Variants in XXYLT1 observed in about 807,000 individuals in gnomAD.
The protein encoded by XXYLT1 is UDP-xylose:alpha-xyloside alpha-1,3-xylosyltransferase.
A neutral mutation model predicts 28.9 loss-of-function variants in XXYLT1; 20 were observed. The observed-to-expected ratio is 0.69, with a 90% confidence interval of 0.49 to 1.00. The LOEUF is 1.00. Among genes scored for constraint, XXYLT1 ranks in the 50% least tolerant of loss-of-function variants. The probability of loss-of-function intolerance (pLI) is 0.00; values close to 1 mark genes in which losing one functional copy is unlikely to be tolerated. For synonymous variants in XXYLT1, 257 were observed against 253.8 expected, an observed-to-expected ratio of 1.01 and a Z score of -0.12; for missense variants, 542 against 560.1, an observed-to-expected ratio of 0.97 and a Z score of 0.33.
At chr3:195,230,729 A>C (rs1724265470) in intron 1 of XXYLT1, among the ~76,000 whole-genome samples, 1 of 152,064 alleles carries the variant, frequency 6.6e-6, no homozygotes, top group Non-Finnish European at 1.5e-5. Context: ...ATTCTGTTGC[A>C]TTGGTCTACG....
intron 2 of XXYLT1, among the ~76,000 whole-genome samples, chr3:195,212,373 T>C (rs1031631085): frequency 6.6e-6 from 1 of 152,148 alleles, no homozygotes; most frequent in Non-Finnish European, 1.5e-5. Context: ...GTAACGGAGT[T>C]AAATTCTGGT....
intron 3 of XXYLT1, among the ~76,000 whole-genome samples, chr3:195,087,712 A>C (rs752578317): frequency 1.3e-5 from 2 of 152,246 alleles, no homozygotes; most frequent in African/African-American, 4.8e-5. Flanking sequence ...GCTCTGGTGT[A>C]CAGCTCCCAG....
intron 3 of XXYLT1, among the ~76,000 whole-genome samples, chr3:195,075,201 G>A (rs1715046521): frequency 6.6e-6 from 1 of 152,212 alleles, no homozygotes; most frequent in Non-Finnish European, 1.5e-5. Flanking sequence ...GCAGTGAGTT[G>A]AGATTGCACC....
At chr3:195,083,149 T>C (rs761064993) in intron 3 of XXYLT1, among the ~76,000 whole-genome samples, 2 of 152,182 alleles carry the variant, frequency 1.3e-5, no homozygotes, top group African/African-American at 4.8e-5. Context: ...AAAAGATCCA[T>C]GACCCTAGTG....
chr3:195,149,743 T>C (rs1329831969), intron 3 of XXYLT1, among the ~76,000 whole-genome samples: 2 of 152,254 alleles, frequency 1.3e-5, no homozygotes, highest in Non-Finnish European at 2.9e-5. Flanking sequence ...CTCTTTGTAA[T>C]ACTGTCTGTT....
chr3:195,169,460 T>TC (rs1211171414), intron 2 of XXYLT1, among the ~76,000 whole-genome samples: 3 of 152,138 alleles, frequency 2.0e-5, no homozygotes, highest in Non-Finnish European at 4.4e-5. Context: ...GGGAGGTGTC[T>TC]CCCTTAGGGG....
intron 3 of XXYLT1, among the ~76,000 whole-genome samples, chr3:195,072,818 G>C (rs1246227743): frequency 6.6e-6 from 1 of 152,222 alleles, no homozygotes; most frequent in East Asian, 1.9e-4. Flanking sequence ...TCACCTAAGG[G>C]AATGGTGGGT....
At chr3:195,247,714 T>C (rs1270248571) in intron 1 of XXYLT1, 1 of 684,670 alleles carries the variant, frequency 1.5e-6, no homozygotes, top group Non-Finnish European at 2.7e-6. Flanking sequence ...CTCACACTGC[T>C]GTAAAGAAGG....
At chr3:195,220,255 C>G (rs774926444) in intron 2 of XXYLT1, among the ~76,000 whole-genome samples, 7 of 152,198 alleles carry the variant, frequency 4.6e-5, no homozygotes, top group Non-Finnish European at 1.0e-4. Flanking sequence ...GATTCTCCCG[C>G]CTCAGCCTCC....
chr3:195,207,591 C>A, intron 2 of XXYLT1: 1 of 409,440 alleles, frequency 2.4e-6, no homozygotes, highest in Admixed American at 2.7e-5. Context: ...CTTGGCACTT[C>A]ACAGCTCTCT....
At chr3:195,112,568 T>TGCACACACACGCAC (rs1229919724) in intron 3 of XXYLT1, among the ~76,000 whole-genome samples, 1 of 139,508 alleles carries the variant, frequency 7.2e-6, no homozygotes. Context: ...GATGAAGCAG[T>TGCACACACACGCAC]GCACACACAC....
intron 2 of XXYLT1, among the ~76,000 whole-genome samples, chr3:195,162,194 C>T (rs563955115): frequency 3.9e-5 from 6 of 152,294 alleles, no homozygotes; most frequent in South Asian, 2.1e-4. Flanking sequence ...CTCGAAACCC[C>T]GTCTGTTGGG....
At chr3:195,192,684 T>C (rs899249968) in intron 2 of XXYLT1, among the ~76,000 whole-genome samples, 5 of 152,230 alleles carry the variant, frequency 3.3e-5, no homozygotes, top group African/African-American at 1.2e-4. Context: ...GACTGAATCC[T>C]TTCCTCCTAA....
chr3:195,212,991 A>C (rs1474910275), intron 2 of XXYLT1, among the ~76,000 whole-genome samples: 1 of 152,174 alleles, frequency 6.6e-6, no homozygotes, highest in Non-Finnish European at 1.5e-5. Flanking sequence ...CGGGGCCCCC[A>C]CCACAATTCA....
At chr3:195,110,252 G>GCGTGTGTGTGGTGTAT (rs1560100565) in intron 3 of XXYLT1, among the ~76,000 whole-genome samples, 1 of 5,788 alleles carries the variant, frequency 1.7e-4, no homozygotes, top group South Asian at 6.0e-3. Flanking sequence ...GTGTGTGGGT[G>GCGTGTGTGTGGTGTAT]AAGTGTGTGT....
chr3:195,069,874 G>A lies in XXYLT1; in HGVS notation c.1023C>T (p.His341=), dbSNP rs753737281. The part of the protein sequence containing the change: ...QDFFTMIGME[H]PKLFHVLDCT... ...AGTCCAGCACATGGAAGAGCTTGGG[G>A]TGCTCCATGCCGATCATGGTGAAGA... Residue 341 remains histidine, a synonymous_variant, in exon 4 of 4, where the codon CAC becomes CAT. Coordinates refer to ENST00000310380, the MANE Select transcript of XXYLT1 (RefSeq NM_152531.5). 4.3e-6 allele frequency: 7 copies of A among 1,614,160 alleles called. No homozygotes were observed. In the South Asian group the frequency reaches 6.6e-5, roughly 15 times the overall value.
At chr3:195,134,874 T>TCAC (rs1560112585) in intron 3 of XXYLT1, among the ~76,000 whole-genome samples, 9 of 128,996 alleles carry the variant, frequency 7.0e-5, no homozygotes, top group East Asian at 2.6e-4. Flanking sequence ...TGTGTGCGTG[T>TCAC]GCGCGCGTGC....
rs1176048137 is a variant in XXYLT1 at position 195,129,768 on chromosome 3, A to G, written c.785+26681T>C. Among the ~76,000 whole-genome samples, 2 of 152,082 alleles carry G rather than the reference A, an allele frequency of 1.3e-5. No homozygotes were observed. Among genetic ancestry groups the G allele is most frequent in the Non-Finnish European group, 2.9e-5 (2 of 68,030 alleles). On this transcript the variant is annotated intron_variant, in intron 3 of 3. Coordinates refer to ENST00000310380, the MANE Select transcript of XXYLT1 (RefSeq NM_152531.5). The surrounding 1 kb of genome is among the most constrained non-coding windows in gnomAD (Gnocchi z 4.4). ...CGTTTGGCTATTATGACTCATGCTGATACGAACGTCCATTTGCATGTTAGT... is the reference window on the plus strand; with the variant it reads ...CGTTTGGCTATTATGACTCATGCTGGTACGAACGTCCATTTGCATGTTAGT...
intron 2 of XXYLT1, among the ~76,000 whole-genome samples, chr3:195,190,513 A>C (rs905149518): frequency 6.6e-6 from 1 of 151,410 alleles, no homozygotes; most frequent in African/African-American, 2.4e-5. Context: ...AAAAAAAAAA[A>C]AAAAAACTAA....
Sources: allele counts gnomAD v4.1 joint callset (sites outside exome capture counted in the v4.1 genomes callset), GRCh38; gene constraint gnomAD v4.1.1; non-coding constraint Gnocchi (gnomAD v3.1); transcripts MANE v1.5; gene names NCBI Gene and HGNC (gene_info 2026-07-23, HGNC 2026-07-21).